The following MFSD6 variants were observed in gnomAD, a reference collection of about 807,000 sequenced individuals.
MFSD6 encodes the protein major facilitator superfamily domain-containing protein 6.
A neutral mutation model predicts 56.3 loss-of-function variants in MFSD6; 26 were observed. The observed-to-expected ratio is 0.46, with a 90% confidence interval of 0.34 to 0.64. The LOEUF is 0.64. Among genes scored for constraint, MFSD6 ranks in the 30% least tolerant of loss-of-function variants. MFSD6 has a pLI of 0.01. For synonymous variants in MFSD6, 331 were observed against 366.9 expected (o/e 0.90, Z 1.12); for missense variants, 750 against 986.2 (o/e 0.76, Z 3.21).
rs1201167916 is a variant in MFSD6, at chr2:190,458,334, G to A, written c.1533-11424G>A. ...CTCATCTGTTATGAGCAGTGTCCTC[G>A]TGAGAAGAGATTGGGGCCACAGATA... On this transcript the variant is annotated intron_variant, in intron 3 of 7. Transcript: ENST00000392328. The surrounding 1 kb of genome is among the most constrained non-coding windows in gnomAD (Gnocchi z 5.3). 2.6e-5 allele frequency among the ~76,000 whole-genome samples: 4 copies of A among 152,116 alleles called. No individual in the cohort carries two copies. The highest frequency in any genetic ancestry group is 4.8e-5 in the African/African-American group (2 of 41,408).
Position 190,434,841 on chromosome 2 carries a change from A to G in MFSD6, c.-53-1136A>G, listed in dbSNP as rs994683723. Among the ~76,000 whole-genome samples the G allele has an allele frequency of 2.0e-5, 3 of 152,222 alleles. No individual in the cohort carries two copies. Among genetic ancestry groups the G allele is most frequent in the Admixed American group, 1.3e-4 (2 of 15,282 alleles). ...CCCAACCCCTGGACCATGGACCGCT[A>G]CCACTCTGTGGCCTGTTAGGAATTG... On this transcript the variant is annotated intron_variant, in intron 2 of 7. Coordinates refer to ENST00000392328, the MANE Select transcript of MFSD6 (RefSeq NM_017694.4). This position sits in a 1 kb window ranked among gnomAD's most constrained non-coding sequence, Gnocchi z 4.3.
At position 190,497,875 on chromosome 2, in the gene MFSD6, AGTT is replaced by A; in HGVS notation, c.2172+157_2172+159del. 2 of 847,910 alleles carry A rather than the reference AGTT, an allele frequency of 2.4e-6. No individual in the cohort carries two copies. Among genetic ancestry groups the A allele is most frequent in the Non-Finnish European group, 3.6e-6 (2 of 559,304 alleles). 52.5% of individuals were successfully genotyped at this position (847,910 alleles called of 1,614,324 possible). A position where few individuals can be genotyped will look rare whatever the true frequency, so the allele number is the denominator to read the frequency against. The stretch of plus-strand genomic sequence containing the variant: ...CAATTTCAGTACTCTGTGAGCACTG[AGTT>A]AAAGAGGGTGTATACAAGGTCCCAT... On this transcript the variant is annotated intron_variant, in intron 7 of 7. Transcript: ENST00000392328. This position sits in a 1 kb window ranked among gnomAD's most constrained non-coding sequence, Gnocchi z 5.2.
chr2:190,429,305 T>C (rs1164879220), intron 2 of MFSD6, among the ~76,000 whole-genome samples: 2 of 151,998 alleles, frequency 1.3e-5, no homozygotes, highest in Non-Finnish European at 2.9e-5. Flanking sequence ...TTTCAATCTT[T>C]AATGGTAGCT....
intron 4 of MFSD6, among the ~76,000 whole-genome samples, chr2:190,476,541 A>T (rs1688327954): frequency 1.3e-5 from 2 of 152,220 alleles, no homozygotes; most frequent in African/African-American, 4.8e-5. Flanking sequence ...AATCATTAAA[A>T]AGTCAGGGAA....
At position 190,483,835 on chromosome 2, in the gene MFSD6, CAA is replaced by C. The variant is rs34089229; in HGVS notation, c.1631-4802_1631-4801del. ...GGGCAACAAGAGTGAAACTCATTTTCAAAAAAAAAAAAAAAAAAAAAGTTAAC... is the reference window on the plus strand; with the variant it reads ...GGGCAACAAGAGTGAAACTCATTTTCAAAAAAAAAAAAAAAAAAAGTTAAC... On this transcript the variant is annotated intron_variant, in intron 4 of 7. Coordinates refer to ENST00000392328, the MANE Select transcript of MFSD6 (RefSeq NM_017694.4). Among the ~76,000 whole-genome samples the C allele has an allele frequency of 9.9e-4, 86 of 86,642 alleles. 1 individual carries two copies. The highest frequency in any genetic ancestry group is 2.5e-3 in the African/African-American group (61 of 24,100). The allele number at this position is 86,642 out of a possible 152,430, so 56.8% of individuals were successfully genotyped here.
At position 190,456,732 on chromosome 2, in the gene MFSD6, C is replaced by T. The variant is rs1687057094; in HGVS notation, c.1533-13026C>T. ...GCTTGATACAGCTCATGTCCAGCTG[C>T]AGGTAAGAGGTGGAAACCTTGGCTC... is the stretch of plus-strand genomic sequence containing the variant. On this transcript the variant is annotated intron_variant, in intron 3 of 7. Transcript: ENST00000392328. This position sits in a 1 kb window ranked among gnomAD's most constrained non-coding sequence, Gnocchi z 5.4. Among the ~76,000 whole-genome samples, 1 of 152,218 alleles carries T rather than the reference C, an allele frequency of 6.6e-6. No homozygotes were observed. The highest frequency in any genetic ancestry group is 1.5e-5 in the Non-Finnish European group (1 of 68,042).
intron 4 of MFSD6, among the ~76,000 whole-genome samples, chr2:190,473,808 G>C (rs1050038991): frequency 6.6e-6 from 1 of 152,070 alleles, no homozygotes; most frequent in East Asian, 1.9e-4. Context: ...TGACCACATA[G>C]TTGGAAGTAA....
In MFSD6 at chr2:190,497,555, C is replaced by T; in HGVS notation, c.2008C>T (p.Pro670Ser). 6.2e-7 allele frequency: 1 copy of T among 1,614,208 alleles called. No homozygotes were observed. Among genetic ancestry groups the T allele is most frequent in the Non-Finnish European group, 8.5e-7 (1 of 1,180,040 alleles). Residue 670 changes from proline (P) to serine (S), a missense_variant, in exon 7 of 8, where the codon CCA becomes TCA. This residue lies in a region of MFSD6 where 172 missense variants were observed against 203.9 expected (regional missense o/e 0.84). Transcript: ENST00000392328. This position sits in a 1 kb window ranked among gnomAD's most constrained non-coding sequence, Gnocchi z 5.2. ...CATGCCACGCATTGAGCCCAGACTT[C>T]CACCCAAGAAAACTAAGCACCAGGA... ...DVMPRIEPRL[P>S]PKKTKHQEEQ... is the part of the protein sequence containing the mutation.
chr2:190,424,036 T>A lies in MFSD6; in HGVS notation c.-54+8623T>A, dbSNP rs541940821. Among the ~76,000 whole-genome samples the A allele has an allele frequency of 2.1e-4, 32 of 152,364 alleles. No homozygotes were observed. In the South Asian group the frequency reaches 6.2e-3, roughly 30 times the overall value. Reference sequence around the variant, plus strand: ...ATTCTTTACATATTCTAGAAACTAATCCTTCGCTGGATTTGTGGTTTCCAA... The same window carrying A: ...ATTCTTTACATATTCTAGAAACTAAACCTTCGCTGGATTTGTGGTTTCCAA... On this transcript the variant is annotated intron_variant, in intron 2 of 7. Coordinates refer to ENST00000392328, the MANE Select transcript of MFSD6 (RefSeq NM_017694.4). The surrounding 1 kb of genome is among the most constrained non-coding windows in gnomAD (Gnocchi z 5.9).
intron 1 of MFSD6, among the ~76,000 whole-genome samples, chr2:190,409,653 G>T (rs1690473625): frequency 6.6e-6 from 1 of 152,200 alleles, no homozygotes; most frequent in African/African-American, 2.4e-5. Context: ...TGGACATACA[G>T]TTGACTAAAA....
In MFSD6 at chr2:190,436,716, G is replaced by C; in HGVS notation, c.687G>C (p.Gln229His). The C allele has an allele frequency of 6.2e-7, 1 of 1,614,144 alleles. No individual in the cohort carries two copies. Among genetic ancestry groups the C allele is most frequent in the South Asian group, 1.1e-5 (1 of 91,076 alleles). Residue 229 changes from glutamine (Q) to histidine (H), a missense_variant, in exon 3 of 8, where the codon CAG becomes CAC. This residue lies in a region of MFSD6 where 376 missense variants were observed against 437.9 expected (regional missense o/e 0.86). Coordinates refer to ENST00000392328, the MANE Select transcript of MFSD6 (RefSeq NM_017694.4). The surrounding 1 kb of genome is among the most constrained non-coding windows in gnomAD (Gnocchi z 5.3). ...NMNSEPTLQPQTGEITNRMMD... is the reference protein window; with the variant it reads ...NMNSEPTLQPHTGEITNRMMD... The stretch of plus-strand genomic sequence containing the variant: ...ACAGTGAACCCACTCTGCAGCCCCA[G>C]ACAGGTGAAATTACTAACCGTATGA...
At position 190,500,750 on chromosome 2, in the gene MFSD6, ATAAAGTTAAAAGT is replaced by A. The variant is rs1238160477; in HGVS notation, c.*544_*556del. ...AGTAGCACATGTGCTTTTGTTAAAA[ATAAAGTTAAAAGT>A]TAAAGTTAAAAAATGAAGTTAAAAG... On this transcript the variant is annotated 3_prime_UTR_variant, in exon 8 of 8. Transcript: ENST00000392328. The surrounding 1 kb of genome is among the most constrained non-coding windows in gnomAD (Gnocchi z 5.3). 1.3e-5 allele frequency: 2 copies of A among 152,964 alleles called. No homozygotes were observed. Among genetic ancestry groups the A allele is most frequent in the African/African-American group, 2.4e-5 (1 of 41,480 alleles). 9.5% of individuals were successfully genotyped at this position (152,964 alleles called of 1,614,324 possible).
rs1036793161 is a variant in MFSD6, at chr2:190,454,011, T to C, written c.1533-15747T>C. 23 of 152,232 alleles carry C rather than the reference T, an allele frequency of 1.5e-4. No individual in the cohort carries two copies. The highest frequency in any genetic ancestry group is 5.5e-4 in the African/African-American group (23 of 41,460). The allele number at this position is 152,232 out of a possible 1,614,324, so 9.4% of individuals were successfully genotyped here. A position where few individuals can be genotyped will look rare whatever the true frequency, so the allele number is the denominator to read the frequency against. On this transcript the variant is annotated intron_variant, in intron 3 of 7. Coordinates refer to ENST00000392328, the MANE Select transcript of MFSD6 (RefSeq NM_017694.4). This position sits in a 1 kb window ranked among gnomAD's most constrained non-coding sequence, Gnocchi z 4.6. Reference sequence around the variant, plus strand: ...ATCTTTTATAGGGAAAATGTTTATGTTCAATTTCCTAATTAGACTAAATCA... The same window carrying C: ...ATCTTTTATAGGGAAAATGTTTATGCTCAATTTCCTAATTAGACTAAATCA...
chr2:190,424,476 C>T lies in MFSD6; in HGVS notation c.-54+9063C>T, dbSNP rs942643754. 6.6e-6 allele frequency among the ~76,000 whole-genome samples: 1 copy of T among 152,046 alleles called. No homozygotes were observed. The highest frequency in any genetic ancestry group is 1.5e-5 in the Non-Finnish European group (1 of 68,016). The stretch of plus-strand genomic sequence containing the variant: ...TCAGCCTCCCGAGTAGCTGGGATTA[C>T]AGGCACATGACACCATGCCCAGCTA... On this transcript the variant is annotated intron_variant, in intron 2 of 7. Coordinates refer to ENST00000392328, the MANE Select transcript of MFSD6 (RefSeq NM_017694.4). The surrounding 1 kb of genome is among the most constrained non-coding windows in gnomAD (Gnocchi z 5.9).
rs1685705952 is a variant in MFSD6 at position 190,423,810 on chromosome 2, C to T, written c.-54+8397C>T. Among the ~76,000 whole-genome samples, 1 of 152,130 alleles carries T rather than the reference C, an allele frequency of 6.6e-6. No individual in the cohort carries two copies. Among genetic ancestry groups the T allele is most frequent in the African/African-American group, 2.4e-5 (1 of 41,430 alleles). ...TCCTTATCAGAATTCAGTGTTATCC[C>T]TATTTTTATTTTAACCATTCTTATA... On this transcript the variant is annotated intron_variant, in intron 2 of 7. Transcript: ENST00000392328. This position sits in a 1 kb window ranked among gnomAD's most constrained non-coding sequence, Gnocchi z 4.3.
intron 2 of MFSD6, among the ~76,000 whole-genome samples, chr2:190,432,738 C>A (rs1256166313): frequency 1.3e-5 from 2 of 152,068 alleles, no homozygotes; most frequent in South Asian, 2.1e-4. Flanking sequence ...GTTTTACTTT[C>A]CAGAGGAAAA....
rs1270835175 is a variant in MFSD6 at position 190,431,133 on chromosome 2, C to A, written c.-53-4844C>A. On this transcript the variant is annotated intron_variant, in intron 2 of 7. Coordinates refer to ENST00000392328, the MANE Select transcript of MFSD6 (RefSeq NM_017694.4). This position sits in a 1 kb window ranked among gnomAD's most constrained non-coding sequence, Gnocchi z 4.4. Reference sequence around the variant, plus strand: ...GGCGGCGGGGCAGAGGCGCTCCCCACATCTCAGACGATGGGCAGCCAGGCA... The same window carrying A: ...GGCGGCGGGGCAGAGGCGCTCCCCAAATCTCAGACGATGGGCAGCCAGGCA... 1.6e-4 allele frequency among the ~76,000 whole-genome samples: 24 copies of A among 151,058 alleles called. No homozygotes were observed. Among genetic ancestry groups the A allele is most frequent in the Non-Finnish European group, 3.4e-4 (23 of 67,740 alleles).
At position 190,416,493 on chromosome 2, in the gene MFSD6, G is replaced by C. The variant is rs975295411; in HGVS notation, c.-54+1080G>C. ...TCATTCCAGTCCATATTACAATAGT[G>C]TGTTCTCCAGTGAACCAGTGCCTCA... On this transcript the variant is annotated intron_variant, in intron 2 of 7. Coordinates refer to ENST00000392328, the MANE Select transcript of MFSD6 (RefSeq NM_017694.4). This position sits in a 1 kb window ranked among gnomAD's most constrained non-coding sequence, Gnocchi z 4.1. Among the ~76,000 whole-genome samples the C allele has an allele frequency of 8.5e-5, 13 of 152,098 alleles. No individual in the cohort carries two copies. The highest frequency in any genetic ancestry group is 3.1e-4 in the African/African-American group (13 of 41,414).
intron 3 of MFSD6, among the ~76,000 whole-genome samples, chr2:190,442,315 G>A (rs924691226): frequency 2.0e-5 from 3 of 152,184 alleles, no homozygotes; most frequent in Non-Finnish European, 4.4e-5. Context: ...TTAGTAAGAT[G>A]CAGGGGCTGA....
Sources: allele counts gnomAD v4.1 joint callset (sites outside exome capture counted in the v4.1 genomes callset), GRCh38; gene constraint gnomAD v4.1.1; regional missense constraint gnomAD v4.1.1; non-coding constraint Gnocchi (gnomAD v3.1); transcripts MANE v1.5; gene names NCBI Gene and HGNC (gene_info 2026-07-23, HGNC 2026-07-21).